Variants in THNSL2 observed in about 807,000 individuals in gnomAD.
THNSL2 encodes the protein threonine synthase-like 2.
In THNSL2, 34 loss-of-function variants were observed where a neutral mutation model predicts 40.0. The observed-to-expected ratio is 0.85, with a 90% CI of 0.65 to 1.13. The LOEUF (loss-of-function observed/expected upper bound fraction) is 1.13. THNSL2 is among the 50% of genes most tolerant of loss of function. The pLI, the probability that THNSL2 is intolerant of heterozygous loss-of-function variation, is 0.00. For missense variants in THNSL2, 537 were observed against 608.8 expected (o/e 0.88, Z 1.24); for synonymous variants, 241 against 247.5 (o/e 0.97, Z 0.25).
At chr2:88,170,841 C>A (rs1676289306) in intron 1 of THNSL2, among the ~76,000 whole-genome samples, 1 of 138,642 alleles carries the variant, frequency 7.2e-6, no homozygotes, top group African/African-American at 2.5e-5. Context: ...CTAGGGGTGC[C>A]GTCGGCTCCT....
Position 88,183,040 on chromosome 2 carries a change from A to G in THNSL2, c.1044A>G (p.Gln348=), listed in dbSNP as rs748920559. The G allele has an allele frequency of 2.5e-6, 4 of 1,613,778 alleles. No individual in the cohort carries two copies. Among genetic ancestry groups the G allele is most frequent in the Middle Eastern group, 1.7e-4 (1 of 5,740 alleles). ...RALMEQFERT[Q]SVNLPKELHS... ...TCATGGAGCAGTTTGAAAGGACCCA[A>G]AGTGTGAATCTGCCCAAGGAACTGC... The change falls in exon 7 of 9, where the codon CAA becomes CAG. Residue 348 remains glutamine (Q), a synonymous_variant. Transcript: ENST00000674334.
Position 88,182,688 on chromosome 2 carries a change from C to A in THNSL2, c.803-11C>A, listed in dbSNP as rs780272369. The A allele has an allele frequency of 6.4e-7, 1 of 1,567,170 alleles. No homozygotes were observed. ...TAAAAAGCCATTGTTCTCCTCCTCT[C>A]TTGTCTTAAGCTGGGTACATTGCTC... On this transcript the variant is annotated splice_polypyrimidine_tract_variant and intron_variant, in intron 5 of 8. Coordinates refer to ENST00000674334, the MANE Select transcript of THNSL2 (RefSeq NM_018271.5).
intron 4 of THNSL2, chr2:88,176,884 T>C (rs1332533685): frequency 6.6e-6 from 1 of 152,232 alleles, no homozygotes; most frequent in Non-Finnish European, 1.5e-5. Context: ...AGATTCAGGC[T>C]CCTGAGGGTC....
At position 88,186,418 on chromosome 2, in the gene THNSL2, A is replaced by G. The variant is rs1415414249; in HGVS notation, c.*295A>G. The G allele has an allele frequency of 4.8e-6, 2 of 416,364 alleles. No homozygotes were observed. Among genetic ancestry groups the G allele is most frequent in the East Asian group, 4.9e-5 (1 of 20,298 alleles). 25.8% of individuals were successfully genotyped at this position (416,364 alleles called of 1,614,324 possible). ...GGCCTGCAAAAGAAGAGGCTTGGGC[A>G]CAGGACTGACCATGGCTCCAGGGGT... On this transcript the variant is annotated 3_prime_UTR_variant, in exon 9 of 9. Transcript: ENST00000674334.
chr2:88,175,993 A>G (rs1034313859), intron 4 of THNSL2: 7 of 152,472 alleles, frequency 4.6e-5, no homozygotes, highest in African/African-American at 1.7e-4. Context: ...AGCTACTCCA[A>G]AGGCTGAGAT....
intron 2 of THNSL2, among the ~76,000 whole-genome samples, chr2:88,174,075 G>T (rs1369957146): frequency 6.6e-6 from 1 of 152,184 alleles, no homozygotes; most frequent in Non-Finnish European, 1.5e-5. Flanking sequence ...GGAAATCCGA[G>T]ATTGCCTCAG....
At chr2:88,175,513 TTCA>T in intron 4 of THNSL2, 112 bp downstream of exon 4, 1 of 1,374,302 alleles carries the variant, frequency 7.3e-7, no homozygotes, top group Non-Finnish European at 1.0e-6. Flanking sequence ...CTGTCCTCCT[TTCA>T]TCATCATATT....
chr2:88,176,303 T>A (rs1046441418), intron 4 of THNSL2: 5 of 152,234 alleles, frequency 3.3e-5, no homozygotes, highest in African/African-American at 9.6e-5. Context: ...CCATCTTTTT[T>A]AATATCAGGC....
chr2:88,170,407 C>G lies in THNSL2; in HGVS notation c.-62C>G, dbSNP rs1443085233. ...GCAGCCCGGGCAGCCCTGCTGCGCA[C>G]CGGGCCTCGCGCCCCGCGCCCCGCG... On this transcript the variant is annotated 5_prime_UTR_variant, in exon 1 of 9. Coordinates refer to ENST00000674334, the MANE Select transcript of THNSL2 (RefSeq NM_018271.5). 5 of 145,398 alleles carry G rather than the reference C, an allele frequency of 3.4e-5. No individual in the cohort carries two copies. The highest frequency in any genetic ancestry group is 7.6e-5 in the Non-Finnish European group (5 of 65,780). 9.0% of individuals were successfully genotyped at this position (145,398 alleles called of 1,614,324 possible).
intron 1 of THNSL2, chr2:88,172,562 TGAG>T (rs950397634): frequency 2.0e-5 from 3 of 152,210 alleles, no homozygotes; most frequent in African/African-American, 7.2e-5. Flanking sequence ...TAGACTCTCT[TGAG>T]GAGCCTCTCA....
chr2:88,182,450 A>C (rs914067419), intron 5 of THNSL2: 5 of 337,414 alleles, frequency 1.5e-5, no homozygotes, highest in Non-Finnish European at 2.6e-5. Flanking sequence ...TAATTGGGTT[A>C]TTTGTATTTT....
Position 88,185,934 on chromosome 2 carries a change from C to G in THNSL2, c.1266C>G (p.Ala422=). ...PRCCLAPASA[A]KFPEAVLAAG... ...GCTGCCTCGCCCCTGCCTCTGCAGC[C>G]AAGTTCCCGGAAGCTGTCCTGGCTG... The change falls in exon 9 of 9, where the codon GCC becomes GCG. Residue 422 remains alanine (A), a synonymous_variant. Transcript: ENST00000674334. 1 of 1,611,656 alleles carries G rather than the reference C, an allele frequency of 6.2e-7. No individual in the cohort carries two copies. Among genetic ancestry groups the G allele is most frequent in the East Asian group, 2.2e-5 (1 of 44,822 alleles).
In THNSL2 at chr2:88,178,905, A is replaced by T; in HGVS notation, c.694A>T (p.Met232Leu). The change falls in exon 5 of 9, where the codon ATG (methionine) becomes TTG (leucine). Residue 232 changes from methionine to leucine, a missense_variant. Met to Leu is a conservative substitution (Grantham distance 15). Coordinates refer to ENST00000674334, the MANE Select transcript of THNSL2 (RefSeq NM_018271.5). ...CAACTGGTCCCGGGTCCTGGTGCAG[A>T]TGGCCCATCACTTCTTTGCTTACTT... ...SINWSRVLVQ[M>L]AHHFFAYFQC... 6.2e-7 allele frequency: 1 copy of T among 1,614,192 alleles called. No individual in the cohort carries two copies. The highest frequency in any genetic ancestry group is 8.5e-7 in the Non-Finnish European group (1 of 1,180,042).
rs1558891497 is a variant in THNSL2 at position 88,178,775 on chromosome 2, CCTGGCAGTGGAGGGA to C, written c.572-7_579del. On this transcript the variant is annotated splice_acceptor_variant and splice_polypyrimidine_tract_variant and coding_sequence_variant and intron_variant, in exon 5 of 9. Coordinates refer to ENST00000674334, the MANE Select transcript of THNSL2 (RefSeq NM_018271.5). LOFTEE classifies it high-confidence loss of function. ...CTGACAGCTGCCCTCTTCTCTCCCC[CCTGGCAGTGGAGGGA>C]AACAGCGATGAGCTCGATGAGCCGA... 6.2e-7 allele frequency: 1 copy of C among 1,614,066 alleles called. No individual in the cohort carries two copies. Among genetic ancestry groups the C allele is most frequent in the Non-Finnish European group, 8.5e-7 (1 of 1,179,958 alleles).
chr2:88,184,151 C>A (rs1678002451), intron 7 of THNSL2, among the ~76,000 whole-genome samples: 1 of 152,148 alleles, frequency 6.6e-6, no homozygotes, highest in Non-Finnish European at 1.5e-5. Flanking sequence ...GAGTGGAATT[C>A]CGGCCTTCTG....
chr2:88,186,112 A>G lies in THNSL2; in HGVS notation c.1444A>G (p.Thr482Ala). 6.4e-7 allele frequency: 1 copy of G among 1,554,128 alleles called. No homozygotes were observed. Among genetic ancestry groups the G allele is most frequent in the Non-Finnish European group, 8.7e-7 (1 of 1,148,338 alleles). Reference sequence around the variant, plus strand: ...ACAGTGGAGGAGTCATGCCCTCAACACCTCCCAGTAGCCTGGCTGGAGGTG... The same window carrying G: ...ACAGTGGAGGAGTCATGCCCTCAACGCCTCCCAGTAGCCTGGCTGGAGGTG... ...SRQWRSHALNTSQ is the reference protein window; with the variant it reads ...SRQWRSHALNASQ The change falls in exon 9 of 9, where the codon ACC becomes GCC. Residue 482 changes from threonine (T) to alanine (A), a missense_variant. Transcript: ENST00000674334.
intron 7 of THNSL2, among the ~76,000 whole-genome samples, chr2:88,184,392 G>C (rs1277043271): frequency 6.6e-6 from 1 of 152,138 alleles, no homozygotes; most frequent in African/African-American, 2.4e-5. Flanking sequence ...ACTGTGCTAG[G>C]TGCTAGAAAC....
chr2:88,175,214 C>T, intron 3 of THNSL2, 35 bp from the exon 4 acceptor site: 2 of 1,602,414 alleles, frequency 1.2e-6, no homozygotes, highest in Non-Finnish European at 1.7e-6. Context: ...TCCCTTTGTT[C>T]TAAAGGGGGA....
In THNSL2 at chr2:88,175,210, T is replaced by C. The variant is rs1558886487; in HGVS notation, c.419-39T>C. The C allele has an allele frequency of 3.1e-6, 5 of 1,595,956 alleles. No homozygotes were observed. The South Asian group carries it at 5.7e-5, about 18-fold the overall frequency. On this transcript the variant is annotated intron_variant, in intron 3 of 8. Coordinates refer to ENST00000674334, the MANE Select transcript of THNSL2 (RefSeq NM_018271.5). ...CATTTCTTTCCTCGTTCATTCCCTT[T>C]GTTCTAAAGGGGGAGAGTTCTCCTT...
Sources: allele counts gnomAD v4.1 joint callset (sites outside exome capture counted in the v4.1 genomes callset), GRCh38; gene constraint gnomAD v4.1.1; transcripts MANE v1.5; gene names NCBI Gene and HGNC (gene_info 2026-07-23, HGNC 2026-07-21).